Variants in NKAIN2 observed in about 807,000 individuals in gnomAD.
NKAIN2 encodes sodium/potassium-transporting ATPase subunit beta-1-interacting protein 2.
A neutral mutation model predicts 32.6 loss-of-function variants in NKAIN2; 14 were observed. The observed-to-expected ratio is 0.43, with a 90% confidence interval of 0.28 to 0.67. NKAIN2 has a LOEUF of 0.67. NKAIN2 is among the 30% of genes least tolerant of loss of function. The pLI, the probability that NKAIN2 is intolerant of heterozygous loss-of-function variation, is 0.17. For synonymous variants in NKAIN2, 80 were observed against 87.2 expected (o/e 0.92, Z 0.46); for missense variants, 198 against 258.3 (o/e 0.77, Z 1.60).
At chr6:123,805,842 T>C (rs1197696926) in intron 1 of NKAIN2, among the ~76,000 whole-genome samples, 1 of 152,004 alleles carries the variant, frequency 6.6e-6, no homozygotes, top group African/African-American at 2.4e-5. Flanking sequence ...TGAGTGGGTG[T>C]GTAGATCATT....
intron 1 of NKAIN2, among the ~76,000 whole-genome samples, chr6:124,247,239 C>T (rs2114796294): frequency 6.6e-6 from 1 of 152,124 alleles, no homozygotes; most frequent in South Asian, 2.1e-4. Flanking sequence ...AGTGATTGTG[C>T]CACCCCTGTG....
chr6:124,501,421 T>A (rs920366390), intron 3 of NKAIN2, among the ~76,000 whole-genome samples: 1 of 152,158 alleles, frequency 6.6e-6, no homozygotes, highest in Admixed American at 6.5e-5. Flanking sequence ...TTAGCTCAAA[T>A]TAGCCGTAAT....
At chr6:124,358,440 G>C (rs1799098775) in intron 3 of NKAIN2, among the ~76,000 whole-genome samples, 1 of 152,020 alleles carries the variant, frequency 6.6e-6, no homozygotes, top group Non-Finnish European at 1.5e-5. Context: ...AGCACCTGTT[G>C]TTTCCTGACT....
chr6:124,226,548 A>C (rs1170965477), intron 1 of NKAIN2, among the ~76,000 whole-genome samples: 1 of 151,972 alleles, frequency 6.6e-6, no homozygotes, highest in East Asian at 1.9e-4. Flanking sequence ...TGCCCTAAAG[A>C]TCAAATTTAA....
At chr6:124,461,144 A>G (rs1225577548) in intron 3 of NKAIN2, among the ~76,000 whole-genome samples, 3 of 151,886 alleles carry the variant, frequency 2.0e-5, no homozygotes, top group Non-Finnish European at 2.9e-5. Context: ...TGCTGAGACA[A>G]CATCTAAAGC....
chr6:124,244,024 A>G (rs1473412468), intron 1 of NKAIN2, among the ~76,000 whole-genome samples: 1 of 151,958 alleles, frequency 6.6e-6, no homozygotes, highest in Admixed American at 6.6e-5. Flanking sequence ...AGAAAAATCA[A>G]CTACCTAGCC....
chr6:124,515,842 C>T (rs1164436823), intron 3 of NKAIN2, among the ~76,000 whole-genome samples: 4 of 151,576 alleles, frequency 2.6e-5, no homozygotes, highest in East Asian at 2.0e-4. Context: ...AGGCTGTTCT[C>T]GTTTTTAATC....
intron 1 of NKAIN2, among the ~76,000 whole-genome samples, chr6:124,172,339 A>G (rs1009768916): frequency 6.6e-6 from 1 of 152,216 alleles, no homozygotes; most frequent in African/African-American, 2.4e-5. Flanking sequence ...ACTGGGATAG[A>G]GTAAGTAGAA....
intron 1 of NKAIN2, among the ~76,000 whole-genome samples, chr6:124,125,240 T>C (rs542832724): frequency 4.3e-4 from 66 of 152,300 alleles, no homozygotes; most frequent in African/African-American, 6.0e-4. Context: ...CAGTTCTCTC[T>C]TTCTGTCTCT....
At chr6:124,501,052 C>G (rs372183421) in intron 3 of NKAIN2, among the ~76,000 whole-genome samples, 1 of 151,982 alleles carries the variant, frequency 6.6e-6, no homozygotes, top group Non-Finnish European at 1.5e-5. Context: ...AAAAGCAGAG[C>G]GGTGAGGTAA....
At chr6:123,833,484 T>C (rs1052254869) in intron 1 of NKAIN2, among the ~76,000 whole-genome samples, 1 of 152,178 alleles carries the variant, frequency 6.6e-6, no homozygotes, top group African/African-American at 2.4e-5. Context: ...GATTTTGATT[T>C]AGATTTCATT....
At chr6:124,081,789 G>A (rs1218072018) in intron 1 of NKAIN2, among the ~76,000 whole-genome samples, 1 of 151,958 alleles carries the variant, frequency 6.6e-6, no homozygotes, top group African/African-American at 2.4e-5. Flanking sequence ...AGGCAATCCA[G>A]TTAAAACATG....
intron 1 of NKAIN2, among the ~76,000 whole-genome samples, chr6:123,976,785 A>G (rs1778658121): frequency 1.3e-5 from 2 of 152,174 alleles, no homozygotes; most frequent in African/African-American, 4.8e-5. Flanking sequence ...TTCTACAAAA[A>G]GAACTAGTTA....
Position 124,058,129 on chromosome 6 carries a change from C to A in NKAIN2, c.55-224876C>A, listed in dbSNP as rs531223868. Among the ~76,000 whole-genome samples, 180 of 150,538 alleles carry A rather than the reference C, an allele frequency of 1.2e-3. 2 individuals are homozygous for A. In the Middle Eastern group the frequency reaches 0.014, roughly 12 times the overall value. ...AAGGAAATAATTGTGTTTAGGAACT[C>A]TGAAGAAAACTTCTAGAAATGTTTA... On this transcript the variant is annotated intron_variant, in intron 1 of 6. Coordinates refer to ENST00000368417, the MANE Select transcript of NKAIN2 (RefSeq NM_001040214.3).
chr6:123,832,877 T>C (rs1450249902), intron 1 of NKAIN2, among the ~76,000 whole-genome samples: 2 of 152,246 alleles, frequency 1.3e-5, no homozygotes, highest in Non-Finnish European at 2.9e-5. Flanking sequence ...GGTAATAGTC[T>C]TTTATCAAAT....
chr6:124,820,726 C>T (rs949061611), intron 6 of NKAIN2, among the ~76,000 whole-genome samples: 1 of 152,174 alleles, frequency 6.6e-6, no homozygotes, highest in Non-Finnish European at 1.5e-5. Flanking sequence ...TGCCTAAGCT[C>T]TGCCTCCTGT....
At chr6:124,241,783 T>C (rs1409169727) in intron 1 of NKAIN2, among the ~76,000 whole-genome samples, 2 of 152,036 alleles carry the variant, frequency 1.3e-5, no homozygotes, top group Non-Finnish European at 2.9e-5. Flanking sequence ...TTAGACCCTT[T>C]CCTTGTAAAA....
chr6:124,750,601 T>C (rs1362540614), intron 4 of NKAIN2, among the ~76,000 whole-genome samples: 2 of 151,976 alleles, frequency 1.3e-5, no homozygotes, highest in Admixed American at 6.6e-5. Flanking sequence ...ATATGCTTCA[T>C]TTACTTTAAA....
chr6:124,453,711 A>G (rs1215643456), intron 3 of NKAIN2, among the ~76,000 whole-genome samples: 1 of 152,192 alleles, frequency 6.6e-6, no homozygotes, highest in African/African-American at 2.4e-5. Flanking sequence ...TCTCTGATCA[A>G]TGAGTGTTTC....
Sources: gnomAD v4.1 joint callset for allele counts (sites outside exome capture counted in the v4.1 genomes callset) on GRCh38, gnomAD v4.1.1 for gene constraint, MANE v1.5 for transcripts, NCBI Gene and HGNC (gene_info 2026-07-23, HGNC 2026-07-21) for gene names.